ENAH: variants seen among roughly 807,000 people sequenced by gnomAD.
The protein encoded by ENAH is ENAH actin regulator.
A neutral mutation model predicts 78.7 loss-of-function variants in ENAH; 23 were observed. That is an observed-to-expected ratio of 0.29 (90% CI 0.21 to 0.41). The LOEUF (loss-of-function observed/expected upper bound fraction) is 0.41. Ranked by LOEUF, ENAH falls within the 10% of genes least tolerant of loss-of-function variation. ENAH has a pLI of 1.00. For synonymous variants in ENAH, 226 were observed against 241.0 expected (o/e 0.94, Z 0.58); for missense variants, 544 against 691.0 (o/e 0.79, Z 2.39).
At chr1:225,572,472 C>A (rs1470693967) in intron 1 of ENAH, among the ~76,000 whole-genome samples, 1 of 152,192 alleles carries the variant, frequency 6.6e-6, no homozygotes, top group Non-Finnish European at 1.5e-5. Flanking sequence ...TCATTAAATG[C>A]AATAACTTGA....
intron 1 of ENAH, among the ~76,000 whole-genome samples, chr1:225,612,992 A>C (rs1261391168): frequency 6.6e-6 from 1 of 152,232 alleles, no homozygotes; most frequent in African/African-American, 2.4e-5. Flanking sequence ...GCAAATATTA[A>C]AACAGCAGAA....
intron 1 of ENAH, among the ~76,000 whole-genome samples, chr1:225,599,573 C>T (rs1440079677): frequency 2.6e-5 from 4 of 151,876 alleles, no homozygotes; most frequent in Non-Finnish European, 5.9e-5. Context: ...TGGGAGGCTG[C>T]GGTGGGGAGA....
intron 1 of ENAH, among the ~76,000 whole-genome samples, chr1:225,598,392 A>G (rs75238639): frequency 2.6e-5 from 4 of 152,114 alleles, no homozygotes; most frequent in Admixed American, 2.0e-4. Flanking sequence ...TGAAAAAAAA[A>G]GGAAAAGACA....
chr1:225,552,341 T>C (rs1029661568), intron 3 of ENAH, among the ~76,000 whole-genome samples: 10 of 152,010 alleles, frequency 6.6e-5, no homozygotes, highest in Non-Finnish European at 1.2e-4. Context: ...GGTTTCACCA[T>C]GTTAGCCAGG....
At chr1:225,576,266 ACT>A (rs1168347820) in intron 1 of ENAH, among the ~76,000 whole-genome samples, 38 of 136,700 alleles carry the variant, frequency 2.8e-4, no homozygotes, top group Admixed American at 2.2e-3. Flanking sequence ...ACAGAGTGAG[ACT>A]CTGTCTCAAA....
At chr1:225,573,976 G>T (rs1028591493) in intron 1 of ENAH, among the ~76,000 whole-genome samples, 2 of 152,112 alleles carry the variant, frequency 1.3e-5, no homozygotes, top group Non-Finnish European at 2.9e-5. Context: ...TATACTATCA[G>T]CCTCTTAAGA....
intron 1 of ENAH, among the ~76,000 whole-genome samples, chr1:225,574,919 A>AAT (rs1553445083): frequency 0.017 from 51 of 2,986 alleles, 3 homozygotes; most frequent in Non-Finnish European, 0.026. Flanking sequence ...AAAAAAAAAA[A>AAT]ATATATATAT....
chr1:225,533,663 G>A (rs563515616), intron 3 of ENAH, among the ~76,000 whole-genome samples: 3 of 152,220 alleles, frequency 2.0e-5, no homozygotes, highest in Non-Finnish European at 4.4e-5. Flanking sequence ...GTTACTGTTT[G>A]TAACAGAGAA....
intron 1 of ENAH, among the ~76,000 whole-genome samples, chr1:225,576,942 C>T (rs1266830575): frequency 6.6e-6 from 1 of 152,108 alleles, no homozygotes; most frequent in African/African-American, 2.4e-5. Flanking sequence ...CAAGACCAGC[C>T]TGGGCAACAT....
At chr1:225,529,133 A>G (rs2096525558) in intron 4 of ENAH, among the ~76,000 whole-genome samples, 1 of 152,210 alleles carries the variant, frequency 6.6e-6, no homozygotes, top group Non-Finnish European at 1.5e-5. Flanking sequence ...TGATTCTGCT[A>G]AAATTTTAAG....
chr1:225,527,912 A>G (rs968629909), intron 4 of ENAH, among the ~76,000 whole-genome samples: 5 of 152,190 alleles, frequency 3.3e-5, no homozygotes, highest in Non-Finnish European at 7.4e-5. Context: ...AGAGTGTGTT[A>G]TCTTAATCAA....
At chr1:225,547,651 A>G (rs187355562) in intron 3 of ENAH, among the ~76,000 whole-genome samples, 1 of 152,160 alleles carries the variant, frequency 6.6e-6, no homozygotes, top group East Asian at 1.9e-4. Flanking sequence ...AATCTCTATC[A>G]CCCAAAGGTC....
chr1:225,553,570 T>C (rs1017893923), intron 3 of ENAH, among the ~76,000 whole-genome samples: 2 of 149,904 alleles, frequency 1.3e-5, no homozygotes, highest in African/African-American at 2.5e-5. Flanking sequence ...CAACAAGATA[T>C]TAAGAAAAAA....
chr1:225,497,680 G>C lies in ENAH; in HGVS notation c.*95C>G. ...TGTTTGTCTCCATTTTCTTCTTACA[G>C]CTCATAAATGTAGGGGTTTGCTGTT... On this transcript the variant is annotated 3_prime_UTR_variant, in exon 14 of 14. Transcript: ENST00000366843. 1 of 1,259,328 alleles carries C rather than the reference G, an allele frequency of 7.9e-7. No individual in the cohort carries two copies. Among genetic ancestry groups the C allele is most frequent in the Non-Finnish European group, 1.1e-6 (1 of 892,200 alleles). 78.0% of individuals were successfully genotyped at this position (1,259,328 alleles called of 1,614,324 possible). A position where few individuals can be genotyped will look rare whatever the true frequency, so the allele number is the denominator to read the frequency against.
chr1:225,572,403 C>T (rs1009634069), intron 1 of ENAH, among the ~76,000 whole-genome samples: 1 of 151,952 alleles, frequency 6.6e-6, no homozygotes, highest in Non-Finnish European at 1.5e-5. Flanking sequence ...ACAAACATAA[C>T]TTATTTAAAA....
rs535953098 is a variant in ENAH at position 225,519,696 on chromosome 1, C to T, written c.435-131G>A. 8,643 of 1,344,282 alleles carry T rather than the reference C, an allele frequency of 6.4e-3. 48 individuals carry two copies. Among genetic ancestry groups the T allele is most frequent in the Middle Eastern group, 0.013 (57 of 4,406 alleles). The allele number at this position is 1,344,282 out of a possible 1,614,324, so 83.3% of individuals were successfully genotyped here. A position where few individuals can be genotyped will look rare whatever the true frequency, so the allele number is the denominator to read the frequency against. ...TGTAGAGCATGCAAACATCTCTCCT[C>T]CCACATGAAGGCTACCTTGGATAGA... is the stretch of plus-strand genomic sequence containing the variant. On this transcript the variant is annotated intron_variant, in intron 4 of 13. Coordinates refer to ENST00000366843, the MANE Select transcript of ENAH (RefSeq NM_018212.6).
Position 225,652,772 on chromosome 1 carries a change from G to T in ENAH, c.-82C>A, listed in dbSNP as rs11558604. 8 of 1,189,258 alleles carry T rather than the reference G, an allele frequency of 6.7e-6. No individual in the cohort carries two copies. The highest frequency in any genetic ancestry group is 8.6e-6 in the Non-Finnish European group (8 of 932,256). The allele number at this position is 1,189,258 out of a possible 1,614,324, so 73.7% of individuals were successfully genotyped here. A position where few individuals can be genotyped will look rare whatever the true frequency, so the allele number is the denominator to read the frequency against. Reference sequence around the variant, plus strand: ...CGAGGGGGGGGTCTCTCCTCCAGGGGTGGGGAGCAGCTCGGAGACGGGAGA... The same window carrying T: ...CGAGGGGGGGGTCTCTCCTCCAGGGTTGGGGAGCAGCTCGGAGACGGGAGA... On this transcript the variant is annotated 5_prime_UTR_variant, in exon 1 of 14. Transcript: ENST00000366843.
intron 1 of ENAH, among the ~76,000 whole-genome samples, chr1:225,587,054 G>C (rs775059271): frequency 1.3e-5 from 2 of 152,108 alleles, no homozygotes; most frequent in Non-Finnish European, 2.9e-5. Flanking sequence ...CCCCTAATGT[G>C]ATAAAGATCA....
chr1:225,647,773 A>G (rs1440748668), intron 1 of ENAH, among the ~76,000 whole-genome samples: 1 of 152,208 alleles, frequency 6.6e-6, no homozygotes, highest in African/African-American at 2.4e-5. Flanking sequence ...TCTATAAAAG[A>G]GCAACGCAGT....
Sources: gnomAD v4.1 joint callset for allele counts (sites outside exome capture counted in the v4.1 genomes callset) on GRCh38, gnomAD v4.1.1 for gene constraint, MANE v1.5 for transcripts, NCBI Gene and HGNC (gene_info 2026-07-23, HGNC 2026-07-21) for gene names.